GRM8: variants seen among roughly 807,000 people sequenced by gnomAD.
The protein encoded by GRM8 is glutamate metabotropic receptor 8.
GRM8 carries 47 observed loss-of-function variants against 87.2 expected under a neutral mutation model. That is an observed-to-expected ratio of 0.54 (90% confidence interval 0.43 to 0.69). The LOEUF (loss-of-function observed/expected upper bound fraction) is 0.69, where lower values mean the gene tolerates loss of function less well. GRM8 is among the 30% of genes least tolerant of loss of function. The pLI, the probability that GRM8 is intolerant of heterozygous loss-of-function variation, is 0.00. For missense variants in GRM8, 1,019 were observed against 1,139.2 expected, an observed-to-expected ratio of 0.89 and a Z score of 1.52; for synonymous variants, 396 against 404.5, an observed-to-expected ratio of 0.98 and a Z score of 0.25.
Position 126,868,311 on chromosome 7 carries a change from C to T in GRM8, c.1156+34231G>A, listed in dbSNP as rs1450247836. On this transcript the variant is annotated intron_variant, in intron 6 of 10. Coordinates refer to ENST00000339582, the MANE Select transcript of GRM8 (RefSeq NM_000845.3). Reference sequence around the variant, plus strand: ...AAGAGTGGGCCAGTGTGGACTCGAGCTCTAGCTGCTCAGCCTCAGGCTAAG... The same window carrying T: ...AAGAGTGGGCCAGTGTGGACTCGAGTTCTAGCTGCTCAGCCTCAGGCTAAG... Among the ~76,000 whole-genome samples, 7 of 152,170 alleles carry T rather than the reference C, an allele frequency of 4.6e-5. 1 individual carries two copies.
chr7:127,209,334 C>CA (rs1222846542), intron 2 of GRM8, among the ~76,000 whole-genome samples: 1 of 152,184 alleles, frequency 6.6e-6, no homozygotes, highest in Admixed American at 6.5e-5. Flanking sequence ...TTTGTAAAGT[C>CA]AATAATACAC....
intron 8 of GRM8, among the ~76,000 whole-genome samples, chr7:126,601,175 T>C (rs922260149): frequency 9.3e-5 from 14 of 150,204 alleles, no homozygotes; most frequent in African/African-American, 2.2e-4. Context: ...AGTGAGAATA[T>C]GCGGTGTTTG....
chr7:126,697,791 T>C (rs1809536461), intron 7 of GRM8, among the ~76,000 whole-genome samples: 2 of 152,154 alleles, frequency 1.3e-5, no homozygotes, highest in South Asian at 2.1e-4. Flanking sequence ...TTAAAAACAC[T>C]ATTTGCTGAA....
At chr7:126,543,758 C>T (rs1214707394) in intron 8 of GRM8, among the ~76,000 whole-genome samples, 2 of 152,076 alleles carry the variant, frequency 1.3e-5, no homozygotes, top group African/African-American at 4.8e-5. Context: ...ATGAAAAATA[C>T]AAAGAGAAGA....
chr7:126,452,531 A>AATATAACTC (rs1802739528), intron 9 of GRM8, among the ~76,000 whole-genome samples: 1 of 151,574 alleles, frequency 6.6e-6, no homozygotes, highest in Non-Finnish European at 1.5e-5. Context: ...GGTTTTAAGG[A>AATATAACTC]ATATAACTCA....
intron 3 of GRM8, among the ~76,000 whole-genome samples, chr7:127,024,033 G>A (rs1329731847): frequency 6.6e-6 from 1 of 152,048 alleles, no homozygotes; most frequent in African/African-American, 2.4e-5. Flanking sequence ...TTTCTCCAAG[G>A]CTAGGCCTGT....
intron 3 of GRM8, among the ~76,000 whole-genome samples, chr7:126,975,819 A>C (rs1810927127): frequency 6.6e-6 from 1 of 152,234 alleles, no homozygotes; most frequent in South Asian, 2.1e-4. Context: ...GTAAATCTCT[A>C]ATGAAGTGTT....
rs762901567 is a variant in GRM8 at position 126,606,709 on chromosome 7, C to T, written c.1494+2653G>A. ...TTTTCCATTTCGGTAAAACCCGCAACGCTATCTAGTTATAAATGATCATAA... is the reference window on the plus strand; with the variant it reads ...TTTTCCATTTCGGTAAAACCCGCAATGCTATCTAGTTATAAATGATCATAA... On this transcript the variant is annotated intron_variant, in intron 8 of 10. Transcript: ENST00000339582. Among the ~76,000 whole-genome samples, 7 of 152,256 alleles carry T rather than the reference C, an allele frequency of 4.6e-5. No homozygotes were observed. In the East Asian group the frequency reaches 9.6e-4, roughly 21 times the overall value.
intron 7 of GRM8, among the ~76,000 whole-genome samples, chr7:126,642,051 G>A (rs906038908): frequency 6.6e-6 from 1 of 152,102 alleles, no homozygotes; most frequent in African/African-American, 2.4e-5. Flanking sequence ...GTAGATATTG[G>A]GTAGGCACTA....
At chr7:126,837,705 G>A (rs73451302) in intron 6 of GRM8, among the ~76,000 whole-genome samples, 14 of 152,292 alleles carry the variant, frequency 9.2e-5, no homozygotes, top group Admixed American at 2.6e-4. Flanking sequence ...CTGGCCTAAC[G>A]GGCCTGGACA....
chr7:126,829,372 G>A (rs1177488628), intron 6 of GRM8, among the ~76,000 whole-genome samples: 17 of 133,366 alleles, frequency 1.3e-4, no homozygotes, highest in Non-Finnish European at 2.2e-4. Context: ...CTTGCTTTAT[G>A]AATCTGGGTG....
At chr7:127,059,800 T>C (rs1820436862) in intron 3 of GRM8, among the ~76,000 whole-genome samples, 1 of 152,318 alleles carries the variant, frequency 6.6e-6, no homozygotes, top group South Asian at 2.1e-4. Context: ...GTTCCTTCTC[T>C]CTTTGTAACC....
chr7:127,107,043 T>C (rs924213468), intron 2 of GRM8, among the ~76,000 whole-genome samples: 1 of 152,178 alleles, frequency 6.6e-6, no homozygotes, highest in African/African-American at 2.4e-5. Context: ...CATGATAAGC[T>C]CTGGTGCAGA....
intron 3 of GRM8, among the ~76,000 whole-genome samples, chr7:127,104,465 G>C (rs536181587): frequency 6.6e-6 from 1 of 152,092 alleles, no homozygotes; most frequent in African/African-American, 2.4e-5. Context: ...TTTTGTTCTA[G>C]ATAAAATCTT....
At chr7:126,589,330 G>A (rs188390370) in intron 8 of GRM8, among the ~76,000 whole-genome samples, 88 of 152,168 alleles carry the variant, frequency 5.8e-4, no homozygotes, top group African/African-American at 1.8e-3. Flanking sequence ...CATGGGAGCC[G>A]GGTGAGGCCT....
chr7:126,718,379 T>C (rs1811993232), intron 7 of GRM8, among the ~76,000 whole-genome samples: 1 of 152,174 alleles, frequency 6.6e-6, no homozygotes, highest in Admixed American at 6.5e-5. Context: ...TATTTTAGGC[T>C]CAAGCTCTAG....
chr7:127,227,384 T>C (rs1001249986), intron 2 of GRM8, among the ~76,000 whole-genome samples: 2 of 152,222 alleles, frequency 1.3e-5, no homozygotes, highest in Non-Finnish European at 2.9e-5. Context: ...CTGGTCCTAA[T>C]ACATCCATCC....
chr7:126,568,392 C>T (rs1447468598), intron 8 of GRM8, among the ~76,000 whole-genome samples: 2 of 152,234 alleles, frequency 1.3e-5, no homozygotes, highest in African/African-American at 2.4e-5. Context: ...ACAGGTAATT[C>T]GGAACTGATG....
intron 3 of GRM8, among the ~76,000 whole-genome samples, chr7:126,926,647 G>A (rs1460739303): frequency 6.6e-6 from 1 of 152,144 alleles, no homozygotes; most frequent in East Asian, 1.9e-4. Flanking sequence ...GAACTTCACG[G>A]CATAGCACAC....
Sources: allele counts gnomAD v4.1 joint callset (sites outside exome capture counted in the v4.1 genomes callset), GRCh38; gene constraint gnomAD v4.1.1; transcripts MANE v1.5; gene names NCBI Gene and HGNC (gene_info 2026-07-23, HGNC 2026-07-21).